The following RNF17 variants were observed in gnomAD, a reference collection of about 807,000 sequenced individuals.
The protein encoded by RNF17 is spermatogenesis associated 23.
RNF17 carries 31 observed loss-of-function variants against 200.5 expected under a neutral mutation model. The observed-to-expected ratio is 0.15, with a 90% confidence interval of 0.12 to 0.21. RNF17 has a LOEUF of 0.21. Among genes scored for constraint, RNF17 ranks in the 10% least tolerant of loss-of-function variants. The pLI is 1.00. For synonymous variants in RNF17, 606 were observed against 637.8 expected (o/e 0.95, Z 0.75); for missense variants, 1,628 against 1,905.1 (o/e 0.85, Z 2.71).
intron 27 of RNF17, among the ~76,000 whole-genome samples, chr13:24,862,191 G>C (rs960353328): frequency 1.3e-5 from 2 of 152,148 alleles, no homozygotes; most frequent in Non-Finnish European, 2.9e-5. Flanking sequence ...CCATATCATG[G>C]TCCCTTGTGA....
At chr13:24,821,367 A>T (rs9581188) in intron 15 of RNF17, among the ~76,000 whole-genome samples, 26 of 152,064 alleles carry the variant, frequency 1.7e-4, no homozygotes, top group Non-Finnish European at 2.9e-4. Context: ...AACTCCTAAC[A>T]TTAGACTTCT....
chr13:24,820,534 C>G (rs1887931297), intron 15 of RNF17, among the ~76,000 whole-genome samples: 1 of 152,150 alleles, frequency 6.6e-6, no homozygotes, highest in South Asian at 2.1e-4. Context: ...CTCCCGGGTT[C>G]AAGCAATTCT....
intron 27 of RNF17, 96 bp from the exon 28 acceptor site, chr13:24,862,617 A>G (rs1893210422): frequency 2.7e-6 from 2 of 729,240 alleles, no homozygotes; most frequent in Non-Finnish European, 5.1e-6. Flanking sequence ...ACTATCTGAT[A>G]TTATTTGTTT....
intron 30 of RNF17, among the ~76,000 whole-genome samples, chr13:24,867,222 C>CT (rs1893726736): frequency 6.6e-6 from 1 of 152,136 alleles, no homozygotes; most frequent in Non-Finnish European, 1.5e-5. Context: ...TTGAGAGTGT[C>CT]TCGCTATATT....
At chr13:24,883,069 T>C (rs9318911), downstream of RNF17, 990,612 of 997,576 alleles carry the variant, frequency 0.99, 491,957 homozygotes, top group Non-Finnish European at 1. Context: ...TTTTAGAATC[T>C]AATCTTTTCC....
intron 27 of RNF17, among the ~76,000 whole-genome samples, chr13:24,862,287 A>G (rs1566241694): frequency 6.6e-6 from 1 of 152,228 alleles, no homozygotes; most frequent in Non-Finnish European, 1.5e-5. Context: ...GCTGACTCAC[A>G]TTGCTTTGGC....
intron 3 of RNF17, among the ~76,000 whole-genome samples, chr13:24,775,853 C>G (rs1328879543): frequency 6.6e-6 from 1 of 152,126 alleles, no homozygotes; most frequent in African/African-American, 2.4e-5. Context: ...GAATGGACCA[C>G]ATTTTATTCC....
intron 6 of RNF17, among the ~76,000 whole-genome samples, chr13:24,784,229 A>G: frequency 6.6e-6 from 1 of 152,190 alleles, no homozygotes; most frequent in East Asian, 1.9e-4. Flanking sequence ...CCACTTGGTC[A>G]TGGTGTATAA....
intron 18 of RNF17, among the ~76,000 whole-genome samples, chr13:24,840,812 C>A (rs1890553205): frequency 6.6e-6 from 1 of 152,020 alleles, no homozygotes; most frequent in Non-Finnish European, 1.5e-5. Context: ...ATGGGTGCAC[C>A]AAAATCTCAC....
intron 24 of RNF17, among the ~76,000 whole-genome samples, chr13:24,852,277 T>G (rs915945184): frequency 6.6e-5 from 10 of 152,046 alleles, no homozygotes; most frequent in African/African-American, 7.2e-5. Flanking sequence ...TAGCTGGGAC[T>G]ACAGGTGGCC....
At chr13:24,809,320 A>G (rs1025252940) in intron 15 of RNF17, among the ~76,000 whole-genome samples, 58 of 151,930 alleles carry the variant, frequency 3.8e-4, no homozygotes, top group Middle Eastern at 3.4e-3. Flanking sequence ...CCACAATTTC[A>G]GCTCCTGTTA....
intron 11 of RNF17, among the ~76,000 whole-genome samples, chr13:24,797,761 A>T (rs1280658740): frequency 1.2e-5 from 1 of 82,788 alleles, no homozygotes; most frequent in African/African-American, 5.2e-5. Flanking sequence ...CTGCAATGGA[A>T]TGGTGTTCTG....
chr13:24,873,561 C>T (rs1894525735), intron 32 of RNF17, among the ~76,000 whole-genome samples: 1 of 152,162 alleles, frequency 6.6e-6, no homozygotes, highest in Admixed American at 6.5e-5. Flanking sequence ...GTGTTGGAAA[C>T]ATTTCAAGAC....
At position 24,782,350 on chromosome 13, in the gene RNF17, T is replaced by G. The variant is rs372982074; in HGVS notation, c.611+406T>G. 7.4e-4 allele frequency among the ~76,000 whole-genome samples: 106 copies of G among 143,236 alleles called. 1 individual carries two copies. In the South Asian group the frequency reaches 0.011, roughly 16 times the overall value. The allele number at this position is 143,236 out of a possible 152,430, so 94.0% of individuals were successfully genotyped here. ...ACCACTACATCCAGCTAATTTTGTG[T>G]TTTTTTTTTGTTGTTGTTGTTTTGT... On this transcript the variant is annotated intron_variant, in intron 6 of 35. Coordinates refer to ENST00000255324, the MANE Select transcript of RNF17 (RefSeq NM_031277.3).
chr13:24,862,490 G>A (rs544450833), intron 27 of RNF17, among the ~76,000 whole-genome samples: 1 of 151,716 alleles, frequency 6.6e-6, no homozygotes, highest in Non-Finnish European at 1.5e-5. Context: ...CTCACCTCTG[G>A]CTGAACAGGT....
intron 15 of RNF17, among the ~76,000 whole-genome samples, chr13:24,813,793 ATTTT>A (rs61022176): frequency 1.9e-5 from 1 of 53,922 alleles, no homozygotes; most frequent in African/African-American, 7.1e-5. Context: ...CAGCTCGCTA[ATTTT>A]TTTTTTTTTT....
the RNF17 span, chr13:24,885,387 C>T: frequency 5.6e-6 from 9 of 1,600,490 alleles, 1 homozygote; most frequent in South Asian, 6.6e-5. Context: ...GAGAGGCAGC[C>T]TGTAAGCACA....
rs1211462393 is a variant in RNF17, at chr13:24,799,455, A to T, written c.1460A>T (p.Glu487Val). The T allele has an allele frequency of 6.2e-7, 1 of 1,610,680 alleles. No homozygotes were observed. Among genetic ancestry groups the T allele is most frequent in the Non-Finnish European group, 8.5e-7 (1 of 1,177,432 alleles). Residue 487 changes from glutamate to valine, a missense_variant, in exon 12 of 36, where the codon GAA becomes GTA. Glu to Val is a moderately radical substitution (Grantham distance 121). Coordinates refer to ENST00000255324, the MANE Select transcript of RNF17 (RefSeq NM_031277.3). ...ATGTGGTGTCGAGGAACTATCACAG[A>T]ATTAATTCCAATAGAGGGTAGAAAT... ...NGMWCRGTIT[E>V]LIPIEGRNTR...
At chr13:24,750,553 A>G in the RNF17 span, 6 of 152,398 alleles carry the variant, frequency 3.9e-5, no homozygotes, top group African/African-American at 1.4e-4. Flanking sequence ...TGTAAATGGA[A>G]TTATACAGTA....
Sources: gnomAD v4.1 joint callset for allele counts (sites outside exome capture counted in the v4.1 genomes callset) on GRCh38, gnomAD v4.1.1 for gene constraint, MANE v1.5 for transcripts, NCBI Gene and HGNC (gene_info 2026-07-23, HGNC 2026-07-21) for gene names.